The following MXI1 variants were observed in gnomAD, a reference collection of about 807,000 sequenced individuals.
The protein encoded by MXI1 is MAX interactor 1, dimerization protein, also known as max-interacting protein 1.
In MXI1, 18 loss-of-function variants were observed where a neutral mutation model predicts 36.9. The ratio of observed to expected loss-of-function variants is 0.49; its 90% CI spans 0.34 to 0.72. The LOEUF is 0.72. MXI1 is among the 30% of genes least tolerant of loss of function. MXI1 has a pLI of 0.01. For synonymous variants in MXI1, 160 were observed against 146.7 expected (o/e 1.09, Z -0.65); for missense variants, 304 against 379.1 (o/e 0.80, Z 1.64).
rs138085515 is a variant in MXI1, at chr10:110,271,528, T to C, written c.438-7652T>C. Among the ~76,000 whole-genome samples, 1,208 of 152,260 alleles carry C rather than the reference T, an allele frequency of 7.9e-3. 8 individuals carry two copies. Among genetic ancestry groups the C allele is most frequent in the Middle Eastern group, 0.017 (5 of 294 alleles). ...GCAAGGATGATCTTGTGGAAGAAAT[T>C]GTTTGGCCATGGCCTGAAAATGAGT... On this transcript the variant is annotated intron_variant, in intron 3 of 5. Transcript: ENST00000332674.
intron 3 of MXI1, among the ~76,000 whole-genome samples, chr10:110,270,302 G>C (rs1856815723): frequency 6.6e-6 from 1 of 152,206 alleles, no homozygotes; most frequent in Admixed American, 6.5e-5. Context: ...ACAGATAAGA[G>C]AGGGGAAGTA....
chr10:110,219,619 C>T (rs1269412368), intron 1 of MXI1, among the ~76,000 whole-genome samples: 2 of 152,238 alleles, frequency 1.3e-5, no homozygotes, highest in African/African-American at 4.8e-5. Context: ...CAGAACTCCT[C>T]ACCCAGCCAC....
intron 3 of MXI1, among the ~76,000 whole-genome samples, chr10:110,272,368 T>C (rs1856882327): frequency 6.6e-6 from 1 of 152,236 alleles, no homozygotes; most frequent in Non-Finnish European, 1.5e-5. Context: ...AATATGAAAT[T>C]TGAAGTCTTC....
intron 3 of MXI1, among the ~76,000 whole-genome samples, chr10:110,270,863 G>C (rs1856830734): frequency 6.6e-6 from 1 of 152,110 alleles, no homozygotes; most frequent in Admixed American, 6.5e-5. Flanking sequence ...GCCGAGGCGG[G>C]CAGATTGCCT....
Position 110,212,607 on chromosome 10 carries a change from C to T in MXI1, c.274+4525C>T, listed in dbSNP as rs541917479. Among the ~76,000 whole-genome samples the T allele has an allele frequency of 1.1e-4, 17 of 152,344 alleles. 1 individual carries two copies. The highest frequency in any genetic ancestry group is 8.3e-4 in the South Asian group (4 of 4,826). Reference sequence around the variant, plus strand: ...TGAGAGAATGAAACCTTTGCAGTCACATGGAGCAGGGCCCAGCTTGCTACT... The same window carrying T: ...TGAGAGAATGAAACCTTTGCAGTCATATGGAGCAGGGCCCAGCTTGCTACT... On this transcript the variant is annotated intron_variant, in intron 1 of 5. Transcript: ENST00000332674.
At chr10:110,225,192 C>T (rs1449789668) in intron 1 of MXI1, among the ~76,000 whole-genome samples, 1 of 152,164 alleles carries the variant, frequency 6.6e-6, no homozygotes, top group African/African-American at 2.4e-5. Flanking sequence ...ACATGGCACG[C>T]CCTCAACGCC....
chr10:110,264,935 AT>A (rs894729204), intron 3 of MXI1, among the ~76,000 whole-genome samples: 73 of 148,536 alleles, frequency 4.9e-4, no homozygotes, highest in East Asian at 1.4e-3. Flanking sequence ...TATGTTAAAA[AT>A]TTTTTTTTTT....
In MXI1 at chr10:110,228,239, C is replaced by T. The variant is rs539292949; in HGVS notation, c.325C>T (p.Leu109=). ...SSFPSMPSPR[L]QHSKPPRRLS... is the part of the protein sequence containing the mutation. ...ATTCCCGTCCATGCCGAGCCCCCGA[C>T]TGCAGCATTCAAAGCCCCCACGGAG... The change falls in exon 2 of 6, where the codon CTG becomes TTG. Residue 109 remains leucine (L), a synonymous_variant. Coordinates refer to ENST00000332674, the MANE Select transcript of MXI1 (RefSeq NM_130439.3). 1.2e-6 allele frequency: 2 copies of T among 1,614,108 alleles called. No homozygotes were observed. The highest frequency in any genetic ancestry group is 3.3e-5 in the Admixed American group (2 of 60,022).
In MXI1 at chr10:110,285,117, GAACA is replaced by G; in HGVS notation, c.*133_*136del. ...AACAAAACAAAACAAAACTATACTT[GAACA>G]AAAGGGTCAGAGGACCTGTATTTAA... On this transcript the variant is annotated 3_prime_UTR_variant, in exon 6 of 6. Transcript: ENST00000332674. The G allele has an allele frequency of 1.1e-6, 1 of 913,454 alleles. No homozygotes were observed. Among genetic ancestry groups the G allele is most frequent in the Non-Finnish European group, 1.5e-6 (1 of 657,978 alleles). 56.6% of individuals were successfully genotyped at this position (913,454 alleles called of 1,614,324 possible).
intron 2 of MXI1, among the ~76,000 whole-genome samples, chr10:110,242,757 T>C (rs1477555438): frequency 1.3e-5 from 2 of 151,970 alleles, no homozygotes; most frequent in East Asian, 1.9e-4. Flanking sequence ...AATTCAACAA[T>C]TGGTTATTGT....
chr10:110,249,680 A>C (rs1039046028), intron 3 of MXI1, among the ~76,000 whole-genome samples: 1 of 152,178 alleles, frequency 6.6e-6, no homozygotes, highest in African/African-American at 2.4e-5. Context: ...TGAAAAAGAA[A>C]TGGAAGAAAA....
chr10:110,238,770 C>G (rs911758013), intron 2 of MXI1, among the ~76,000 whole-genome samples: 1 of 152,014 alleles, frequency 6.6e-6, no homozygotes, highest in African/African-American at 2.4e-5. Context: ...GTTTCTGTTT[C>G]TTCTTGAGTC....
In MXI1 at chr10:110,268,586, C is replaced by T. The variant is rs11195059; in HGVS notation, c.438-10594C>T. On this transcript the variant is annotated intron_variant, in intron 3 of 5. Coordinates refer to ENST00000332674, the MANE Select transcript of MXI1 (RefSeq NM_130439.3). The stretch of plus-strand genomic sequence containing the variant: ...GTAGTTCTTAAGGCATGTTCACTTT[C>T]TATCTACCTAAAAGTGCTAATCTGT... 2.2e-3 allele frequency among the ~76,000 whole-genome samples: 330 copies of T among 152,238 alleles called. 12 individuals are homozygous for T. In the East Asian group the frequency reaches 0.047, roughly 22 times the overall value.
intron 2 of MXI1, among the ~76,000 whole-genome samples, chr10:110,230,259 G>A (rs778419796): frequency 6.6e-6 from 1 of 152,200 alleles, no homozygotes; most frequent in African/African-American, 2.4e-5. Context: ...GCTTTGCTCA[G>A]CTTGGGGTTT....
intron 3 of MXI1, among the ~76,000 whole-genome samples, chr10:110,251,324 C>T (rs917838100): frequency 2.4e-4 from 36 of 152,224 alleles, no homozygotes; most frequent in African/African-American, 8.4e-4. Flanking sequence ...CGGTTAATAT[C>T]AATCTTTCAG....
intron 3 of MXI1, among the ~76,000 whole-genome samples, chr10:110,255,355 AAG>A (rs1250393065): frequency 6.6e-6 from 1 of 152,210 alleles, no homozygotes; most frequent in East Asian, 1.9e-4. Context: ...CTGGTTACCC[AAG>A]AGCTCTGATG....
intron 3 of MXI1, among the ~76,000 whole-genome samples, chr10:110,255,481 C>G (rs1856254301): frequency 6.6e-6 from 1 of 152,104 alleles, no homozygotes; most frequent in Non-Finnish European, 1.5e-5. Context: ...TTCAGAAATA[C>G]ATTTCATAAG....
Position 110,238,039 on chromosome 10 carries a change from C to T in MXI1, c.408-6789C>T, listed in dbSNP as rs1484199064. On this transcript the variant is annotated intron_variant, in intron 2 of 5. Coordinates refer to ENST00000332674, the MANE Select transcript of MXI1 (RefSeq NM_130439.3). ...GAGAGGTCTGGGAGGAACCTGGACA[C>T]AGAGCCTCTGTGCTTTTTCCATGGA... Among the ~76,000 whole-genome samples the T allele has an allele frequency of 5.3e-5, 8 of 152,168 alleles. No individual in the cohort carries two copies. The East Asian group carries it at 1.5e-3, about 29-fold the overall frequency.
chr10:110,207,940 G>A lies in MXI1; in HGVS notation c.132G>A (p.Gly44=), dbSNP rs1414346183. 1 of 1,582,420 alleles carries A rather than the reference G, an allele frequency of 6.3e-7. No homozygotes were observed. The highest frequency in any genetic ancestry group is 8.6e-7 in the Non-Finnish European group (1 of 1,165,662). The change falls in exon 1 of 6, where the codon GGG becomes GGA. Residue 44 remains glycine, a synonymous_variant. Coordinates refer to ENST00000332674, the MANE Select transcript of MXI1 (RefSeq NM_130439.3). The part of the protein sequence containing the change: ...QPPALPEDPA[G]AKPRCPFSDI... ...CGGCCCTGCCCGAGGACCCCGCTGG[G>A]GCCAAGCCCAGGTGCCCCTTCTCAG...
Sources: allele counts gnomAD v4.1 joint callset (sites outside exome capture counted in the v4.1 genomes callset), GRCh38; gene constraint gnomAD v4.1.1; transcripts MANE v1.5; gene names NCBI Gene and HGNC (gene_info 2026-07-23, HGNC 2026-07-21).